The following SOX4 variants were observed in gnomAD, a reference collection of about 807,000 sequenced individuals.
SOX4 encodes SRY-box transcription factor 4, also known as transcription factor SOX-4.
For missense variants in SOX4, 662 were observed against 694.9 expected (o/e 0.95, Z 0.53); for synonymous variants, 465 against 348.4 (o/e 1.33, Z -3.73).
At position 21,595,145 on chromosome 6, in the gene SOX4, C is replaced by T; in HGVS notation, c.611C>T (p.Ala204Val). The T allele has an allele frequency of 1.5e-6, 2 of 1,335,476 alleles. No homozygotes were observed. Among genetic ancestry groups the T allele is most frequent in the Non-Finnish European group, 1.9e-6 (2 of 1,051,230 alleles). 82.7% of individuals were successfully genotyped at this position (1,335,476 alleles called of 1,614,324 possible). A position where few individuals can be genotyped will look rare whatever the true frequency, so the allele number is the denominator to read the frequency against. ...AAAAAGAGCTGCGGCTCCAAAGTGGCGGGCGGCGCGGGCGGTGGGGTTAGC... is the reference window on the plus strand; with the variant it reads ...AAAAAGAGCTGCGGCTCCAAAGTGGTGGGCGGCGCGGGCGGTGGGGTTAGC... ...AQKKSCGSKV[A>V]GGAGGGVSKP... The change falls in exon 1 of 1, where the codon GCG (alanine) becomes GTG (valine). Residue 204 changes from alanine (A) to valine (V), a missense_variant. Coordinates refer to ENST00000244745, the MANE Select transcript of SOX4 (RefSeq NM_003107.3).
chr6:21,595,560 C>A lies in SOX4; in HGVS notation c.1026C>A (p.Arg342=), dbSNP rs1356091191. The part of the protein sequence containing the change: ...CSPDAPSLSG[R]SSAASSPAAG... ...CCGACGCGCCCAGCCTGAGCGGCCG[C>A]AGCAGCGCCGCCTCGTCCCCCGCCG... Residue 342 remains arginine (R), a synonymous_variant, in exon 1 of 1, where the codon CGC becomes CGA. Coordinates refer to ENST00000244745, the MANE Select transcript of SOX4 (RefSeq NM_003107.3). 7.5e-6 allele frequency: 9 copies of A among 1,202,168 alleles called. No homozygotes were observed. In the East Asian group the frequency reaches 2.1e-4, roughly 28 times the overall value. 74.5% of individuals were successfully genotyped at this position (1,202,168 alleles called of 1,614,324 possible).
At position 21,596,116 on chromosome 6, in the gene SOX4, G is replaced by T. The variant is rs1314943524; in HGVS notation, c.*157G>T. 2 of 1,262,690 alleles carry T rather than the reference G, an allele frequency of 1.6e-6. No homozygotes were observed. The highest frequency in any genetic ancestry group is 7.6e-5 in the Admixed American group (2 of 26,482). The allele number at this position is 1,262,690 out of a possible 1,614,324, so 78.2% of individuals were successfully genotyped here. On this transcript the variant is annotated 3_prime_UTR_variant, in exon 1 of 1. Coordinates refer to ENST00000244745, the MANE Select transcript of SOX4 (RefSeq NM_003107.3). ...TGGCTTCGCCCGCGTTCTCGTCGTC[G>T]GATCAAGGAGCGCGGCGGCGTTTTG...
At position 21,596,070 on chromosome 6, in the gene SOX4, G is replaced by A. The variant is rs16901614; in HGVS notation, c.*111G>A. 8.6e-5 allele frequency: 118 copies of A among 1,367,162 alleles called. No homozygotes were observed. The highest frequency in any genetic ancestry group is 1.0e-4 in the Non-Finnish European group (110 of 1,056,900). The allele number at this position is 1,367,162 out of a possible 1,614,324, so 84.7% of individuals were successfully genotyped here. On this transcript the variant is annotated 3_prime_UTR_variant, in exon 1 of 1. Transcript: ENST00000244745. ...GAGTTTAAAGAGAAAAGGGAAAAAA[G>A]AAAGAAAAAGTAAGCAGGGCTGGCT...
chr6:21,594,723 G>T lies in SOX4; in HGVS notation c.189G>T (p.Met63Ile). The part of the protein sequence containing the change: ...KTPSGHIKRP[M>I]NAFMVWSQIE... ...CGAGTGGGCACATCAAGCGACCCAT[G>T]AACGCCTTCATGGTGTGGTCGCAGA... is the stretch of plus-strand genomic sequence containing the variant. Residue 63 changes from methionine to isoleucine, a missense_variant, in exon 1 of 1, where the codon ATG (methionine) becomes ATT (isoleucine). Physicochemically the swap from Met to Ile is conservative, Grantham distance 10 (BLOSUM62 1). Transcript: ENST00000244745. 6.3e-7 allele frequency: 1 copy of T among 1,595,708 alleles called. No individual in the cohort carries two copies.
Position 21,595,347 on chromosome 6 carries a change from C to T in SOX4, c.813C>T (p.Ala271=), listed in dbSNP as rs1389826391. 16 of 1,514,472 alleles carry T rather than the reference C, an allele frequency of 1.1e-5. No individual in the cohort carries two copies. Among genetic ancestry groups the T allele is most frequent in the African/African-American group, 1.4e-5 (1 of 69,778 alleles). The allele number at this position is 1,514,472 out of a possible 1,614,324, so 93.8% of individuals were successfully genotyped here. ...GGACTCCCAGCGCCTCGGCCTCCGC[C>T]TCCTCGGCAGCCTCGGCCTCCGCAG... The part of the protein sequence containing the change: ...KARTPSASAS[A]SSAASASAAL... Residue 271 remains alanine, a synonymous_variant, in exon 1 of 1, where the codon GCC becomes GCT. Coordinates refer to ENST00000244745, the MANE Select transcript of SOX4 (RefSeq NM_003107.3).
At position 21,595,385 on chromosome 6, in the gene SOX4, C is replaced by G. The variant is rs1763117630; in HGVS notation, c.851C>G (p.Pro284Arg). 3 of 1,537,684 alleles carry G rather than the reference C, an allele frequency of 2.0e-6. No individual in the cohort carries two copies. The highest frequency in any genetic ancestry group is 1.2e-5 in the South Asian group (1 of 85,528). The change falls in exon 1 of 1, where the codon CCG (proline) becomes CGG (arginine). Residue 284 changes from proline to arginine, a missense_variant. Transcript: ENST00000244745. Reference sequence around the variant, plus strand: ...TCGGCCTCCGCAGCGCTCGCGGCCCCGGGCAAGCACCTGGCGGAGAAGAAG... The same window carrying G: ...TCGGCCTCCGCAGCGCTCGCGGCCCGGGGCAAGCACCTGGCGGAGAAGAAG... The part of the protein sequence containing the change: ...AASASAALAA[P>R]GKHLAEKKVK...
rs555519149 is a variant in SOX4 at position 21,596,559 on chromosome 6, G to A, written c.*600G>A. ...AATTTGGCCGATGGCAGATGTTTTG[G>A]GGGAACGCCGGGACTGAGAGACTCC... is the stretch of plus-strand genomic sequence containing the variant. On this transcript the variant is annotated 3_prime_UTR_variant, in exon 1 of 1. Coordinates refer to ENST00000244745, the MANE Select transcript of SOX4 (RefSeq NM_003107.3). 1 of 167,264 alleles carries A rather than the reference G, an allele frequency of 6.0e-6. No homozygotes were observed. Among genetic ancestry groups the A allele is most frequent in the South Asian group, 2.1e-4 (1 of 4,824 alleles). 10.4% of individuals were successfully genotyped at this position (167,264 alleles called of 1,614,324 possible). A position where few individuals can be genotyped will look rare whatever the true frequency, so the allele number is the denominator to read the frequency against.
Position 21,595,811 on chromosome 6 carries a change from C to G in SOX4, c.1277C>G (p.Ser426Trp), listed in dbSNP as rs530447552. The change falls in exon 1 of 1, where the codon TCG becomes TGG. Residue 426 changes from serine to tryptophan, a missense_variant. Transcript: ENST00000244745. ...TCCCTGGGCAGCTTCAGTTCGTCGT[C>G]GGCGCTCGACCGGGACCTGGATTTT... is the stretch of plus-strand genomic sequence containing the variant. ...SMSLGSFSSS[S>W]ALDRDLDFNF... 1 of 1,613,488 alleles carries G rather than the reference C, an allele frequency of 6.2e-7. No homozygotes were observed.
chr6:21,596,002 G>T lies in SOX4; in HGVS notation c.*43G>T, dbSNP rs758368209. On this transcript the variant is annotated 3_prime_UTR_variant, in exon 1 of 1. Transcript: ENST00000244745. ...AGAAGGGCCGGGGGGGGTAGGAGAG[G>T]AGAAAAAAAAAGTGAAAAAAAGAAA... 15 of 1,430,016 alleles carry T rather than the reference G, an allele frequency of 1.0e-5. No homozygotes were observed. In the African/African-American group the frequency reaches 2.1e-4, roughly 20 times the overall value. The allele number at this position is 1,430,016 out of a possible 1,614,324, so 88.6% of individuals were successfully genotyped here.
At position 21,595,701 on chromosome 6, in the gene SOX4, CTCCTCCTCGGGCTCCTCG is replaced by C. The variant is rs1188525860; in HGVS notation, c.1174_1191del (p.Ser392_Ser397del). 1.3e-6 allele frequency: 2 copies of C among 1,598,854 alleles called. No individual in the cohort carries two copies. The highest frequency in any genetic ancestry group is 4.5e-5 in the East Asian group (2 of 44,182). On this transcript the variant is annotated inframe_deletion, in exon 1 of 1. Transcript: ENST00000244745. ...CGGCCTCGTCCCACTCCTCCTCTTC[CTCCTCCTCGGGCTCCTCG>C]TCCTCCGACGACGAGTTCGAAGACG...
In SOX4 at chr6:21,595,332, C is replaced by A; in HGVS notation, c.798C>A (p.Ser266Arg). 1 of 1,495,602 alleles carries A rather than the reference C, an allele frequency of 6.7e-7. No individual in the cohort carries two copies. The highest frequency in any genetic ancestry group is 8.9e-7 in the Non-Finnish European group (1 of 1,129,856). 92.6% of individuals were successfully genotyped at this position (1,495,602 alleles called of 1,614,324 possible). The change falls in exon 1 of 1, where the codon AGC (serine) becomes AGA (arginine). Residue 266 changes from serine to arginine, a missense_variant. By Grantham distance (110) the Ser-to-Arg change is moderately radical. Coordinates refer to ENST00000244745, the MANE Select transcript of SOX4 (RefSeq NM_003107.3). ...HHSLYKARTP[S>R]ASASASSAAS... ...CGCTGTACAAGGCGCGGACTCCCAG[C>A]GCCTCGGCCTCCGCCTCCTCGGCAG...
rs1763195492 is a variant in SOX4, at chr6:21,597,519, T to C, written c.*1560T>C. On this transcript the variant is annotated 3_prime_UTR_variant, in exon 1 of 1. Transcript: ENST00000244745. ...TTCCTTTTCCTTTTTTTCTTTTTTT[T>C]TTCTTTTTTTTTTTTTTTTTTTGGT... The C allele has an allele frequency of 1.9e-5, 2 of 106,658 alleles. No individual in the cohort carries two copies. The highest frequency in any genetic ancestry group is 8.2e-4 in the South Asian group (2 of 2,428). 6.6% of individuals were successfully genotyped at this position (106,658 alleles called of 1,614,324 possible).
rs1196990900 is a variant in SOX4 at position 21,597,217 on chromosome 6, CTT to C, written c.*1260_*1261del. On this transcript the variant is annotated 3_prime_UTR_variant, in exon 1 of 1. Coordinates refer to ENST00000244745, the MANE Select transcript of SOX4 (RefSeq NM_003107.3). ...CACCAGCTTTTTTTCATTCTTAACT[CTT>C]TAAAGGATTCAAACGCAACTCAAAT... The C allele has an allele frequency of 3.0e-5, 5 of 166,706 alleles. No individual in the cohort carries two copies. Among genetic ancestry groups the C allele is most frequent in the South Asian group, 2.1e-4 (1 of 4,828 alleles). 10.3% of individuals were successfully genotyped at this position (166,706 alleles called of 1,614,324 possible).
At position 21,595,932 on chromosome 6, in the gene SOX4, C is replaced by T. The variant is rs914257369; in HGVS notation, c.1398C>T (p.Ser466=). The change falls in exon 1 of 1, where the codon AGC becomes AGT. Residue 466 remains serine (S), a synonymous_variant. Coordinates refer to ENST00000244745, the MANE Select transcript of SOX4 (RefSeq NM_003107.3). ...EMISGDWLES[S]ISNLVFTY ...TCTCGGGAGACTGGCTCGAGTCCAG[C>T]ATCTCCAACCTGGTTTTCACCTACT... 3.2e-6 allele frequency: 5 copies of T among 1,567,388 alleles called. No individual in the cohort carries two copies. The African/African-American group carries it at 4.1e-5, about 13-fold the overall frequency.
chr6:21,596,034 GGACA>G lies in SOX4; in HGVS notation c.*79_*82del, dbSNP rs1763144780. On this transcript the variant is annotated 3_prime_UTR_variant, in exon 1 of 1. Coordinates refer to ENST00000244745, the MANE Select transcript of SOX4 (RefSeq NM_003107.3). ...AAAAAGTGAAAAAAAGAAACGAAAA[GGACA>G]GACGAAGAGTTTAAAGAGAAAAGGG... 7.0e-7 allele frequency: 1 copy of G among 1,429,580 alleles called. No homozygotes were observed. Among genetic ancestry groups the G allele is most frequent in the Admixed American group, 3.0e-5 (1 of 32,952 alleles). The allele number at this position is 1,429,580 out of a possible 1,614,324, so 88.6% of individuals were successfully genotyped here. A position where few individuals can be genotyped will look rare whatever the true frequency, so the allele number is the denominator to read the frequency against.
At position 21,595,353 on chromosome 6, in the gene SOX4, G is replaced by T; in HGVS notation, c.819G>T (p.Ser273=). 6 of 1,518,036 alleles carry T rather than the reference G, an allele frequency of 4.0e-6. No individual in the cohort carries two copies. Among genetic ancestry groups the T allele is most frequent in the Non-Finnish European group, 5.3e-6 (6 of 1,141,398 alleles). 94.0% of individuals were successfully genotyped at this position (1,518,036 alleles called of 1,614,324 possible). The change falls in exon 1 of 1, where the codon TCG becomes TCT. Residue 273 remains serine (S), a synonymous_variant. Transcript: ENST00000244745. The part of the protein sequence containing the change: ...RTPSASASAS[S]AASASAALAA... ...CCAGCGCCTCGGCCTCCGCCTCCTC[G>T]GCAGCCTCGGCCTCCGCAGCGCTCG...
rs963298340 is a variant in SOX4, at chr6:21,594,461, C to A, written c.-74C>A. On this transcript the variant is annotated 5_prime_UTR_variant, in exon 1 of 1. Coordinates refer to ENST00000244745, the MANE Select transcript of SOX4 (RefSeq NM_003107.3). Reference sequence around the variant, plus strand: ...TCGGCGTGTGCTTGGCCCGGGGAACCGGGAGGGCCCGGCGATCGCGCGGCG... The same window carrying A: ...TCGGCGTGTGCTTGGCCCGGGGAACAGGGAGGGCCCGGCGATCGCGCGGCG... 1 of 1,344,424 alleles carries A rather than the reference C, an allele frequency of 7.4e-7. No homozygotes were observed. Among genetic ancestry groups the A allele is most frequent in the Non-Finnish European group, 9.5e-7 (1 of 1,056,782 alleles). The allele number at this position is 1,344,424 out of a possible 1,614,324, so 83.3% of individuals were successfully genotyped here. A position where few individuals can be genotyped will look rare whatever the true frequency, so the allele number is the denominator to read the frequency against.
At position 21,594,987 on chromosome 6, in the gene SOX4, G is replaced by C; in HGVS notation, c.453G>C (p.Pro151=). 6.3e-7 allele frequency: 1 copy of C among 1,579,182 alleles called. No homozygotes were observed. Among genetic ancestry groups the C allele is most frequent in the Non-Finnish European group, 8.6e-7 (1 of 1,163,062 alleles). ...CCTCGGCCGCCGCCTCCTCCAAGCCGGGGGAGAAGGGAGACAAGGTCGGTG... is the reference window on the plus strand; with the variant it reads ...CCTCGGCCGCCGCCTCCTCCAAGCCCGGGGAGAAGGGAGACAAGGTCGGTG... ...SSSSAAASSK[P]GEKGDKVGGS... is the part of the protein sequence containing the mutation. The change falls in exon 1 of 1, where the codon CCG becomes CCC. Residue 151 remains proline, a synonymous_variant. Transcript: ENST00000244745.
rs1221043767 is a variant in SOX4, at chr6:21,597,132, T to C, written c.*1173T>C. On this transcript the variant is annotated 3_prime_UTR_variant, in exon 1 of 1. Transcript: ENST00000244745. ...GACTGTTGAGCAGTTTTTAAAATAG[T>C]GTAGGATAATATAAAAAGCAGATAG... 6.0e-6 allele frequency: 1 copy of C among 166,444 alleles called. No homozygotes were observed. The highest frequency in any genetic ancestry group is 2.4e-5 in the African/African-American group (1 of 41,418). The allele number at this position is 166,444 out of a possible 1,614,324, so 10.3% of individuals were successfully genotyped here.
Sources: gnomAD v4.1 joint callset for allele counts on GRCh38, gnomAD v4.1.1 for gene constraint, MANE v1.5 for transcripts, NCBI Gene and HGNC (gene_info 2026-07-23, HGNC 2026-07-21) for gene names.